The following ALK variants were observed in gnomAD, a reference collection of about 807,000 sequenced individuals.
ALK encodes the protein ALK tyrosine kinase receptor.
In ALK, 74 loss-of-function variants were observed where a neutral mutation model predicts 163.1. The ratio of observed to expected loss-of-function variants is 0.45; its 90% CI spans 0.38 to 0.55. The LOEUF (loss-of-function observed/expected upper bound fraction) is 0.55, where lower values mean the gene tolerates loss of function less well. ALK is among the 20% of genes least tolerant of loss of function. The probability of loss-of-function intolerance (pLI) is 0.00; values close to 1 mark genes in which losing one functional copy is unlikely to be tolerated. For missense variants in ALK, 2,063 were observed against 2,105.3 expected, an observed-to-expected ratio of 0.98 and a Z score of 0.39; for synonymous variants, 960 against 843.2, an observed-to-expected ratio of 1.14 and a Z score of -2.40.
chr2:29,905,924 C>A (rs2148434071), intron 1 of ALK, among the ~76,000 whole-genome samples: 1 of 152,308 alleles, frequency 6.6e-6, no homozygotes, highest in Admixed American at 6.5e-5. Flanking sequence ...TTCATCTCTG[C>A]ATGGCCTTGG....
At chr2:29,749,668 C>A (rs1203243615) in intron 1 of ALK, among the ~76,000 whole-genome samples, 1 of 152,168 alleles carries the variant, frequency 6.6e-6, no homozygotes, top group East Asian at 1.9e-4. Flanking sequence ...CAAAGGAGGT[C>A]ATGGCTCCCC....
chr2:29,557,983 CTT>C lies in ALK; in HGVS notation c.953-25869_953-25868del, dbSNP rs1177408908. On this transcript the variant is annotated intron_variant, in intron 3 of 28. Transcript: ENST00000389048. ...CCTCTATTGAGATGAAAGGCTGTCT[CTT>C]TCCTCCTCCAGGTCTGGCCAGTGAT... Among the ~76,000 whole-genome samples the C allele has an allele frequency of 4.6e-5, 7 of 152,182 alleles. 1 individual carries two copies.
At chr2:29,383,917 C>T in intron 4 of ALK, 58 bp from the exon 5 acceptor site, 8 of 1,609,310 alleles carry the variant, frequency 5.0e-6, no homozygotes, top group Non-Finnish European at 6.8e-6. Context: ...GAGAATTAGG[C>T]CTAACATGTG....
intron 1 of ALK, among the ~76,000 whole-genome samples, chr2:29,896,260 G>A (rs6735416): frequency 0.68 from 103,207 of 151,728 alleles, 35,871 homozygotes; most frequent in Non-Finnish European, 0.76. Flanking sequence ...CCAAGATGAA[G>A]AAGAATACAA....
At chr2:29,533,946 GA>G (rs771266671) in intron 3 of ALK, among the ~76,000 whole-genome samples, 37 of 152,184 alleles carry the variant, frequency 2.4e-4, no homozygotes, top group Non-Finnish European at 4.6e-4. Flanking sequence ...TACAGGGAGA[GA>G]AAAACAAAGA....
At chr2:29,414,169 A>C (rs1669807762) in intron 4 of ALK, among the ~76,000 whole-genome samples, 1 of 152,206 alleles carries the variant, frequency 6.6e-6, no homozygotes, top group African/African-American at 2.4e-5. Context: ...TTATGGGACA[A>C]TGGTTGATAG....
intron 4 of ALK, among the ~76,000 whole-genome samples, chr2:29,486,392 T>A (rs1368455309): frequency 1.3e-5 from 2 of 152,156 alleles, no homozygotes; most frequent in South Asian, 2.1e-4. Flanking sequence ...ATGAAATGAG[T>A]GCTTCATAAA....
chr2:29,249,312 G>A (rs367796218), intron 12 of ALK, among the ~76,000 whole-genome samples: 3 of 152,302 alleles, frequency 2.0e-5, no homozygotes, highest in African/African-American at 7.2e-5. Flanking sequence ...TGGGTTTCCT[G>A]TGCGCCTCCC....
At chr2:29,796,756 C>G (rs1664320447) in intron 1 of ALK, among the ~76,000 whole-genome samples, 1 of 152,074 alleles carries the variant, frequency 6.6e-6, no homozygotes, top group African/African-American at 2.4e-5. Flanking sequence ...GGAGCTGCAA[C>G]TACCTTAAAA....
At chr2:29,662,993 T>C (rs903689057) in intron 3 of ALK, among the ~76,000 whole-genome samples, 2 of 152,162 alleles carry the variant, frequency 1.3e-5, no homozygotes, top group African/African-American at 4.8e-5. Flanking sequence ...TGATTGACAA[T>C]AAATCAGACT....
intron 4 of ALK, among the ~76,000 whole-genome samples, chr2:29,417,943 T>A (rs1415365615): frequency 6.6e-6 from 1 of 152,254 alleles, no homozygotes; most frequent in Non-Finnish European, 1.5e-5. Context: ...TTATCATAGT[T>A]ATTTTCTGCG....
At chr2:29,302,324 C>T (rs1008220416) in intron 8 of ALK, among the ~76,000 whole-genome samples, 1 of 152,180 alleles carries the variant, frequency 6.6e-6, no homozygotes, top group Non-Finnish European at 1.5e-5. Flanking sequence ...TCGAGATCAG[C>T]CTGGCCAATA....
intron 26 of ALK, among the ~76,000 whole-genome samples, chr2:29,199,066 G>A (rs1398646153): frequency 6.6e-6 from 1 of 151,720 alleles, no homozygotes; most frequent in African/African-American, 2.4e-5. Context: ...TGATTCGCCT[G>A]CCTCAGCCTC....
rs17007646 is a variant in ALK at position 29,193,928 on chromosome 2, G to A, written c.4165-6C>T. 0.14 allele frequency: 223,712 copies of A among 1,613,500 alleles called. 19,122 individuals carry two copies. The highest frequency in any genetic ancestry group is 0.37 in the African/African-American group (27,959 of 74,934). ...GTGTTGATTACATCCGGGTCCTGCC[G>A]TAGGGGAAATTATTAAAACTTTGAA... On this transcript the variant is annotated splice_region_variant and splice_polypyrimidine_tract_variant and intron_variant, in intron 28 of 28. Coordinates refer to ENST00000389048, the MANE Select transcript of ALK (RefSeq NM_004304.5).
At chr2:29,519,261 G>C (rs535810825) in intron 4 of ALK, among the ~76,000 whole-genome samples, 1 of 152,234 alleles carries the variant, frequency 6.6e-6, no homozygotes, top group Non-Finnish European at 1.5e-5. Flanking sequence ...GTCAAAGCCA[G>C]ATGGGCTTTG....
At chr2:29,587,865 T>G (rs1674932964) in intron 3 of ALK, among the ~76,000 whole-genome samples, 3 of 152,318 alleles carry the variant, frequency 2.0e-5, no homozygotes, top group East Asian at 1.9e-4. Context: ...GATTTAACAG[T>G]GAAGGCCTGG....
intron 3 of ALK, among the ~76,000 whole-genome samples, chr2:29,587,580 G>A (rs534736981): frequency 2.0e-4 from 30 of 152,144 alleles, no homozygotes; most frequent in Admixed American, 7.2e-4. Context: ...CAACTCATTC[G>A]CCTGGAGCTA....
At chr2:29,749,704 CT>C (rs916944618) in intron 1 of ALK, among the ~76,000 whole-genome samples, 1 of 152,184 alleles carries the variant, frequency 6.6e-6, no homozygotes, top group Non-Finnish European at 1.5e-5. Context: ...CTCCAACCCC[CT>C]GAGCCCAGCC....
intron 8 of ALK, among the ~76,000 whole-genome samples, chr2:29,311,985 G>A (rs1666710683): frequency 6.6e-6 from 1 of 152,116 alleles, no homozygotes; most frequent in Non-Finnish European, 1.5e-5. Context: ...GTGGACAGGG[G>A]TGGCAGGGCC....
Sources: gnomAD v4.1 joint callset for allele counts (sites outside exome capture counted in the v4.1 genomes callset) on GRCh38, gnomAD v4.1.1 for gene constraint, MANE v1.5 for transcripts, NCBI Gene and HGNC (gene_info 2026-07-23, HGNC 2026-07-21) for gene names.